The following KAT6B variants were observed in gnomAD, a reference collection of about 807,000 sequenced individuals.
KAT6B encodes lysine acetyltransferase 6B, also known as histone acetyltransferase KAT6B.
KAT6B carries 10 observed loss-of-function variants against 187.5 expected under a neutral mutation model. That is an observed-to-expected ratio of 0.05 (90% CI 0.03 to 0.09). KAT6B has a LOEUF of 0.09. KAT6B is among the 10% of genes least tolerant of loss of function. KAT6B has a pLI of 1.00. For synonymous variants in KAT6B, 861 were observed against 926.8 expected (o/e 0.93, Z 1.29); for missense variants, 1,952 against 2,558.9 (o/e 0.76, Z 5.12).
In KAT6B at chr10:74,898,773, A is replaced by G. The variant is rs542378430; in HGVS notation, c.621+55295A>G. ...AAGGCTAAGACAGTTCTGTGCTTAC[A>G]GTCACCTTCAGTTTCAAATGTAATC... is the stretch of plus-strand genomic sequence containing the variant. On this transcript the variant is annotated intron_variant, in intron 3 of 17. Transcript: ENST00000287239. Among the ~76,000 whole-genome samples, 3 of 152,152 alleles carry G rather than the reference A, an allele frequency of 2.0e-5. No homozygotes were observed. In the South Asian group the frequency reaches 6.2e-4, roughly 32 times the overall value.
intron 3 of KAT6B, among the ~76,000 whole-genome samples, chr10:74,945,643 T>A (rs181662903): frequency 2.0e-5 from 3 of 152,092 alleles, no homozygotes; most frequent in African/African-American, 7.2e-5. Context: ...AGAGACGGGG[T>A]CTCACCATGT....
intron 17 of KAT6B, chr10:75,025,570 CT>C (rs969484133): frequency 2.4e-3 from 625 of 265,018 alleles, no homozygotes; most frequent in South Asian, 4.1e-3. Context: ...CTAATATGTA[CT>C]TTTTTTTTTC....
intron 16 of KAT6B, among the ~76,000 whole-genome samples, chr10:75,023,233 A>C (rs1466159304): frequency 6.6e-6 from 1 of 152,232 alleles, no homozygotes; most frequent in East Asian, 1.9e-4. Context: ...CAAGACTGAT[A>C]GAGATATCAC....
chr10:74,946,628 TA>T (rs889792468), intron 3 of KAT6B, among the ~76,000 whole-genome samples: 1 of 152,098 alleles, frequency 6.6e-6, no homozygotes, highest in African/African-American at 2.4e-5. Flanking sequence ...AAGCCCTACA[TA>T]AAAAAATCAT....
intron 3 of KAT6B, among the ~76,000 whole-genome samples, chr10:74,916,037 C>T (rs568637982): frequency 3.3e-5 from 5 of 152,270 alleles, no homozygotes; most frequent in Middle Eastern, 3.4e-3. Context: ...GTGGTGTGCA[C>T]CTGCAATCCC....
At chr10:74,918,483 T>C (rs1847871680) in intron 3 of KAT6B, among the ~76,000 whole-genome samples, 1 of 152,234 alleles carries the variant, frequency 6.6e-6, no homozygotes, top group African/African-American at 2.4e-5. Flanking sequence ...GGCTCATGCC[T>C]GTAATCACAG....
Position 75,030,191 on chromosome 10 carries a change from C to G in KAT6B, c.5367C>G (p.Asn1789Lys). ...MQLAEIPETS[N>K]ANIGLYERMG... ...TGGCTGAAATCCCCGAGACGAGCAACGCCAACATTGGCTTATACGAGCGAA... is the reference window on the plus strand; with the variant it reads ...TGGCTGAAATCCCCGAGACGAGCAAGGCCAACATTGGCTTATACGAGCGAA... The change falls in exon 18 of 18, where the codon AAC becomes AAG. Residue 1789 changes from asparagine to lysine, a missense_variant. Physicochemically the swap from Asn to Lys is moderately conservative, Grantham distance 94 (BLOSUM62 0). This residue lies in a region of KAT6B where 358 missense variants were observed against 436.3 expected (regional missense o/e 0.82). Coordinates refer to ENST00000287239, the MANE Select transcript of KAT6B (RefSeq NM_012330.4). The surrounding 1 kb of genome is among the most constrained non-coding windows in gnomAD (Gnocchi z 4.8). 2.5e-6 allele frequency: 4 copies of G among 1,614,210 alleles called. No individual in the cohort carries two copies. Among genetic ancestry groups the G allele is most frequent in the Non-Finnish European group, 3.4e-6 (4 of 1,180,036 alleles).
chr10:75,004,141 T>C (rs144365623), intron 13 of KAT6B, among the ~76,000 whole-genome samples: 1 of 152,240 alleles, frequency 6.6e-6, no homozygotes, highest in East Asian at 1.9e-4. Context: ...TGAAATCCAC[T>C]ACTGGACAAA....
intron 13 of KAT6B, among the ~76,000 whole-genome samples, chr10:74,998,463 G>C (rs1156318020): frequency 2.6e-5 from 4 of 151,950 alleles, no homozygotes; most frequent in African/African-American, 9.7e-5. Flanking sequence ...GTAATTAATA[G>C]AAGAAAATGT....
chr10:75,013,130 G>GAC (rs1844729687), intron 13 of KAT6B, among the ~76,000 whole-genome samples: 2 of 152,180 alleles, frequency 1.3e-5, no homozygotes. Flanking sequence ...TTTTCCCAGA[G>GAC]ACACACTTGA....
chr10:74,828,281 G>A (rs1488168886), intron 1 of KAT6B, among the ~76,000 whole-genome samples: 1 of 152,090 alleles, frequency 6.6e-6, no homozygotes, highest in African/African-American at 2.4e-5. Flanking sequence ...TACAGATGTG[G>A]GAAATAGGAA....
chr10:74,887,485 C>T (rs1287477273), intron 3 of KAT6B, among the ~76,000 whole-genome samples: 1 of 152,116 alleles, frequency 6.6e-6, no homozygotes, highest in Non-Finnish European at 1.5e-5. Flanking sequence ...CCACCATGCC[C>T]AGCTAATTTT....
intron 13 of KAT6B, among the ~76,000 whole-genome samples, chr10:75,007,508 G>A (rs1844299643): frequency 6.6e-6 from 1 of 152,086 alleles, no homozygotes; most frequent in Non-Finnish European, 1.5e-5. Context: ...CTGTTTTGGT[G>A]ATGAAAGTAT....
Position 74,891,908 on chromosome 10 carries a change from C to G in KAT6B, c.621+48430C>G, listed in dbSNP as rs577418056. Among the ~76,000 whole-genome samples the G allele has an allele frequency of 1.3e-4, 20 of 152,278 alleles. No homozygotes were observed. In the South Asian group the frequency reaches 1.5e-3, roughly 11 times the overall value. On this transcript the variant is annotated intron_variant, in intron 3 of 17. Transcript: ENST00000287239. ...GACATCTGCTGTCCACTATAGGTTG[C>G]CCAATAATGAGTCCTGGTAGGTTCT...
At chr10:74,887,472 A>T (rs1299940849) in intron 3 of KAT6B, among the ~76,000 whole-genome samples, 2 of 152,078 alleles carry the variant, frequency 1.3e-5, no homozygotes, top group Non-Finnish European at 2.9e-5. Context: ...TTACAGGCAC[A>T]TGCCACCATG....
intron 3 of KAT6B, among the ~76,000 whole-genome samples, chr10:74,918,551 G>A (rs534294397): frequency 6.6e-6 from 1 of 152,278 alleles, no homozygotes; most frequent in South Asian, 2.1e-4. Flanking sequence ...GGACCAGCCT[G>A]GCCCAACATG....
At chr10:74,921,985 C>G (rs7086329) in intron 3 of KAT6B, among the ~76,000 whole-genome samples, 1 of 152,158 alleles carries the variant, frequency 6.6e-6, no homozygotes, top group Non-Finnish European at 1.5e-5. Flanking sequence ...TATGGGGACA[C>G]AGCAGGGGGT....
In KAT6B at chr10:74,977,803, A is replaced by G. The variant is rs114658712; in HGVS notation, c.2115+366A>G. On this transcript the variant is annotated intron_variant, in intron 9 of 17. Transcript: ENST00000287239. ...AAAGAAGAACATCACTGTTAAATTCACCGATGTTTCTTCCAACACAGATGG... is the reference window on the plus strand; with the variant it reads ...AAAGAAGAACATCACTGTTAAATTCGCCGATGTTTCTTCCAACACAGATGG... Among the ~76,000 whole-genome samples, 956 of 152,338 alleles carry G rather than the reference A, an allele frequency of 6.3e-3. 5 individuals are homozygous for G. The highest frequency in any genetic ancestry group is 0.021 in the African/African-American group (891 of 41,568).
intron 3 of KAT6B, among the ~76,000 whole-genome samples, chr10:74,857,114 ATG>A (rs1199308391): frequency 1.3e-5 from 2 of 152,204 alleles, no homozygotes; most frequent in Admixed American, 6.5e-5. Context: ...CTTTGAAAGC[ATG>A]TGAGTAACCT....
Sources: gnomAD v4.1 joint callset for allele counts (sites outside exome capture counted in the v4.1 genomes callset) on GRCh38, gnomAD v4.1.1 for gene constraint, gnomAD v4.1.1 regional missense constraint, Gnocchi (gnomAD v3.1) non-coding constraint, MANE v1.5 for transcripts, NCBI Gene and HGNC (gene_info 2026-07-23, HGNC 2026-07-21) for gene names.